The following REDIC1 variants were observed in gnomAD, a reference collection of about 807,000 sequenced individuals.
REDIC1 encodes regulator of DNA class I crossover intermediates 1.
the REDIC1 span, among the ~76,000 whole-genome samples, chr12:39,792,482 A>G: frequency 6.6e-6 from 1 of 152,242 alleles, no homozygotes; most frequent in South Asian, 2.1e-4. Context: ...TCTGGCATGT[A>G]TTTGGGATAA....
chr12:39,689,943 A>G, the REDIC1 span, among the ~76,000 whole-genome samples: 5 of 152,220 alleles, frequency 3.3e-5, no homozygotes, highest in African/African-American at 7.2e-5. Context: ...AAAAAAGCCT[A>G]TTGATGTAGC....
At chr12:39,826,854 A>AT in the REDIC1 span, among the ~76,000 whole-genome samples, 21,979 of 67,744 alleles carry the variant, frequency 0.32, 3,844 homozygotes, top group Non-Finnish European at 0.4. Flanking sequence ...GTCTCTTTCA[A>AT]TTTTTTTTTT....
chr12:39,739,003 AT>A, the REDIC1 span, among the ~76,000 whole-genome samples: 5 of 151,762 alleles, frequency 3.3e-5, no homozygotes, highest in African/African-American at 1.2e-4. Flanking sequence ...CTGATTCAAT[AT>A]TTTTATAATA....
the REDIC1 span, among the ~76,000 whole-genome samples, chr12:39,805,514 G>GT: frequency 2.7e-5 from 4 of 149,280 alleles, no homozygotes; most frequent in South Asian, 8.4e-4. Context: ...GCCTCTGTTG[G>GT]TTTTTTTTTT....
At chr12:39,862,700 G>C in the REDIC1 span, among the ~76,000 whole-genome samples, 1 of 152,116 alleles carries the variant, frequency 6.6e-6, no homozygotes. Context: ...AATGTATATA[G>C]ATGGTTTTTA....
At chr12:39,657,943 T>A in the REDIC1 span, among the ~76,000 whole-genome samples, 2 of 152,156 alleles carry the variant, frequency 1.3e-5, no homozygotes, top group Non-Finnish European at 2.9e-5. Context: ...CTAGTTTTTT[T>A]AAGAGGTAAG....
At chr12:39,820,083 C>A in the REDIC1 span, among the ~76,000 whole-genome samples, 1 of 151,984 alleles carries the variant, frequency 6.6e-6, no homozygotes, top group African/African-American at 2.4e-5. Flanking sequence ...AGCTCTAAAT[C>A]CAATCTTTCC....
At chr12:39,713,597 CG>C in the REDIC1 span, among the ~76,000 whole-genome samples, 5 of 145,700 alleles carry the variant, frequency 3.4e-5, no homozygotes, top group Non-Finnish European at 7.6e-5. Context: ...TGTATAGATA[CG>C]TATATATACA....
At chr12:39,731,298 C>T in the REDIC1 span, among the ~76,000 whole-genome samples, 12 of 152,098 alleles carry the variant, frequency 7.9e-5, no homozygotes, top group Non-Finnish European at 1.6e-4. Context: ...GATTTATCTA[C>T]CTTTGGTCTT....
At chr12:39,713,501 C>G in the REDIC1 span, among the ~76,000 whole-genome samples, 6 of 150,018 alleles carry the variant, frequency 4.0e-5, no homozygotes, top group South Asian at 1.0e-3. Flanking sequence ...TGTACACATA[C>G]ATATGTATAC....
the REDIC1 span, among the ~76,000 whole-genome samples, chr12:39,898,547 C>A: frequency 2.0e-5 from 3 of 152,144 alleles, no homozygotes; most frequent in Non-Finnish European, 4.4e-5. Flanking sequence ...CAGCTAAACA[C>A]CAGGCAAAAT....
chr12:39,677,146 G>T, the REDIC1 span, among the ~76,000 whole-genome samples: 5 of 151,870 alleles, frequency 3.3e-5, no homozygotes, highest in Non-Finnish European at 2.9e-5. Flanking sequence ...TTAGCATTTA[G>T]TGTCAGAATG....
At chr12:39,707,159 A>G in the REDIC1 span, among the ~76,000 whole-genome samples, 2 of 151,988 alleles carry the variant, frequency 1.3e-5, no homozygotes, top group African/African-American at 4.8e-5. Flanking sequence ...AAACAACTGT[A>G]TAGGAAAAAA....
At chr12:39,879,205 C>T in the REDIC1 span, among the ~76,000 whole-genome samples, 2 of 152,250 alleles carry the variant, frequency 1.3e-5, no homozygotes, top group African/African-American at 4.8e-5. Context: ...AAGCCTGCTG[C>T]AGGGGCAGAG....
chr12:39,690,116 G>A, the REDIC1 span, among the ~76,000 whole-genome samples: 2 of 152,064 alleles, frequency 1.3e-5, no homozygotes. Context: ...GGAATGAAGG[G>A]GTAGGAGTAG....
At chr12:39,824,920 CAT>C in the REDIC1 span, among the ~76,000 whole-genome samples, 4 of 152,074 alleles carry the variant, frequency 2.6e-5, no homozygotes, top group Non-Finnish European at 4.4e-5. Flanking sequence ...TGAGAAAAGA[CAT>C]AGAGACAGGA....
At chr12:39,905,335 G>A in the REDIC1 span, among the ~76,000 whole-genome samples, 1 of 152,112 alleles carries the variant, frequency 6.6e-6, no homozygotes, top group Non-Finnish European at 1.5e-5. Flanking sequence ...TAAACAGCCT[G>A]TAATACTGCT....
chr12:39,687,162 C>T, the REDIC1 span, among the ~76,000 whole-genome samples: 3 of 152,114 alleles, frequency 2.0e-5, no homozygotes, highest in Non-Finnish European at 4.4e-5. Context: ...TTCTTCTGAG[C>T]CTGCCACACT....
At chr12:39,658,404 A>G in the REDIC1 span, among the ~76,000 whole-genome samples, 1 of 152,068 alleles carries the variant, frequency 6.6e-6, no homozygotes, top group Non-Finnish European at 1.5e-5. Flanking sequence ...ATACATTCTA[A>G]TCTTTCTTTG....
Sources: allele counts gnomAD v4.1 joint callset (sites outside exome capture counted in the v4.1 genomes callset), GRCh38; gene constraint gnomAD v4.1.1; transcripts MANE v1.5; gene names NCBI Gene and HGNC (gene_info 2026-07-23, HGNC 2026-07-21).